Variants in ZNF414 observed in about 807,000 individuals in gnomAD.
The protein encoded by ZNF414 is zinc finger protein 414.
In ZNF414, 32 loss-of-function variants were observed where a neutral mutation model predicts 38.3. That is an observed-to-expected ratio of 0.83 (90% CI 0.63 to 1.12). The LOEUF is 1.12. Ranked by LOEUF, ZNF414 falls within the 50% of genes most tolerant of loss-of-function variation. The pLI is 0.00. For missense variants in ZNF414, 589 were observed against 557.4 expected (o/e 1.06, Z -0.57); for synonymous variants, 256 against 248.0 (o/e 1.03, Z -0.30).
rs140386372 is a variant in ZNF414 at position 8,513,132 on chromosome 19, G to A, written c.213C>T (p.Ala71=). 3.4e-4 allele frequency: 524 copies of A among 1,542,464 alleles called. 2 individuals carry two copies. The African/African-American group carries it at 6.1e-3, about 18-fold the overall frequency. The change falls in exon 2 of 8, where the codon GCC becomes GCT. Residue 71 remains alanine, a synonymous_variant. Coordinates refer to ENST00000393927, the MANE Select transcript of ZNF414 (RefSeq NM_001146175.2). ...AGGMQQGSSP[A]PDSCQPGPGP... is the part of the protein sequence containing the mutation. ...CGGGGCCAGGCTGGCAGCTGTCTGG[G>A]GCTGGGGAGGAGCCCTGCTGCATCC...
chr19:8,511,596 G>C, intron 5 of ZNF414, 21 bp downstream of exon 5: 1 of 1,523,228 alleles, frequency 6.6e-7, no homozygotes, highest in Non-Finnish European at 8.8e-7. Flanking sequence ...CCCTCCTGGA[G>C]GCCCCCGACC....
At chr19:8,513,739 G>A (rs1971951216) in intron 1 of ZNF414, among the ~76,000 whole-genome samples, 1 of 152,202 alleles carries the variant, frequency 6.6e-6, no homozygotes, top group Admixed American at 6.5e-5. Context: ...CATGGACTGG[G>A]AAGATGCTAG....
rs1971904354 is a variant in ZNF414 at position 8,510,893 on chromosome 19, C to T, written c.1057G>A (p.Ala353Thr). 2 of 1,154,962 alleles carry T rather than the reference C, an allele frequency of 1.7e-6. No individual in the cohort carries two copies. The highest frequency in any genetic ancestry group is 4.8e-5 in the Admixed American group (1 of 20,692). 71.5% of individuals were successfully genotyped at this position (1,154,962 alleles called of 1,614,324 possible). A position where few individuals can be genotyped will look rare whatever the true frequency, so the allele number is the denominator to read the frequency against. ...HLEDHRPGAP[A>T]APAAGPPRPD... Reference sequence around the variant, plus strand: ...CGCGGCGGCCCGGCCGCGGGGGCCGCGGGGGCGCCGGGGCGGTGGTCCTCC... The same window carrying T: ...CGCGGCGGCCCGGCCGCGGGGGCCGTGGGGGCGCCGGGGCGGTGGTCCTCC... Residue 353 changes from alanine (A) to threonine (T), a missense_variant, in exon 7 of 8, where the codon GCG (alanine) becomes ACG (threonine). Coordinates refer to ENST00000393927, the MANE Select transcript of ZNF414 (RefSeq NM_001146175.2).
Position 8,511,843 on chromosome 19 carries a change from C to A in ZNF414, c.648G>T (p.Glu216Asp). 7.1e-7 allele frequency: 1 copy of A among 1,401,828 alleles called. No individual in the cohort carries two copies. The highest frequency in any genetic ancestry group is 2.7e-5 in the East Asian group (1 of 36,506). 86.8% of individuals were successfully genotyped at this position (1,401,828 alleles called of 1,614,324 possible). Reference protein sequence around the residue: ...APPPPPALDREPPAPERPPEV... With the variant: ...APPPPPALDRDPPAPERPPEV... ...CCGGGGGGCGCTCCGGCGCGGGCGGCTCTCGGTCCAGGGCCGGGGGTGGCG... is the reference window on the plus strand; with the variant it reads ...CCGGGGGGCGCTCCGGCGCGGGCGGATCTCGGTCCAGGGCCGGGGGTGGCG... The change falls in exon 5 of 8, where the codon GAG becomes GAT. Residue 216 changes from glutamate (E) to aspartate (D), a missense_variant. Coordinates refer to ENST00000393927, the MANE Select transcript of ZNF414 (RefSeq NM_001146175.2).
In ZNF414 at chr19:8,510,515, A is replaced by G. The variant is rs2910442; in HGVS notation, c.*176T>C. 0.17 allele frequency: 107,355 copies of G among 624,612 alleles called. 10,167 individuals are homozygous for G. The highest frequency in any genetic ancestry group is 0.28 in the African/African-American group (14,519 of 51,766). The allele number at this position is 624,612 out of a possible 1,614,324, so 38.7% of individuals were successfully genotyped here. ...CAGGTGGTCCTCCCAAGATGTGATCAATCCATGACTGCTGGGCTCGAGCCC... is the reference window on the plus strand; with the variant it reads ...CAGGTGGTCCTCCCAAGATGTGATCGATCCATGACTGCTGGGCTCGAGCCC... On this transcript the variant is annotated 3_prime_UTR_variant, in exon 8 of 8. Coordinates refer to ENST00000393927, the MANE Select transcript of ZNF414 (RefSeq NM_001146175.2).
Position 8,511,850 on chromosome 19 carries a change from T to C in ZNF414, c.641A>G (p.Asp214Gly). 1 of 1,403,420 alleles carries C rather than the reference T, an allele frequency of 7.1e-7. No homozygotes were observed. Among genetic ancestry groups the C allele is most frequent in the Non-Finnish European group, 9.2e-7 (1 of 1,087,088 alleles). 86.9% of individuals were successfully genotyped at this position (1,403,420 alleles called of 1,614,324 possible). A position where few individuals can be genotyped will look rare whatever the true frequency, so the allele number is the denominator to read the frequency against. ...SPAPPPPPAL[D>G]REPPAPERPP... Reference sequence around the variant, plus strand: ...GCGCTCCGGCGCGGGCGGCTCTCGGTCCAGGGCCGGGGGTGGCGGCGGGGC... The same window carrying C: ...GCGCTCCGGCGCGGGCGGCTCTCGGCCCAGGGCCGGGGGTGGCGGCGGGGC... The change falls in exon 5 of 8, where the codon GAC becomes GGC. Residue 214 changes from aspartate (D) to glycine (G), a missense_variant. Physicochemically the swap from Asp to Gly is moderately conservative, Grantham distance 94 (BLOSUM62 -1). Coordinates refer to ENST00000393927, the MANE Select transcript of ZNF414 (RefSeq NM_001146175.2).
Position 8,511,975 on chromosome 19 carries a change from A to AGGAAT in ZNF414, c.531-16_531-15insATTCC. The AGGAAT allele has an allele frequency of 7.1e-7, 1 of 1,404,258 alleles. No individual in the cohort carries two copies. The highest frequency in any genetic ancestry group is 9.2e-7 in the Non-Finnish European group (1 of 1,087,114). The allele number at this position is 1,404,258 out of a possible 1,614,324, so 87.0% of individuals were successfully genotyped here. On this transcript the variant is annotated splice_polypyrimidine_tract_variant and intron_variant, in intron 4 of 7. Transcript: ENST00000393927. Reference sequence around the variant, plus strand: ...AGTTCTCACACCTGGAGGTGGGCAGAGGGCTGGGCTGGGCTGGGCCTCCAG... The same window carrying AGGAAT: ...AGTTCTCACACCTGGAGGTGGGCAGAGGAATGGGCTGGGCTGGGCTGGGCCTCCAG...
Position 8,512,878 on chromosome 19 carries a change from A to G in ZNF414, c.316+151T>C. The G allele has an allele frequency of 3.3e-6, 4 of 1,216,740 alleles. 1 individual carries two copies. The South Asian group carries it at 5.0e-5, about 15-fold the overall frequency. 75.4% of individuals were successfully genotyped at this position (1,216,740 alleles called of 1,614,324 possible). A position where few individuals can be genotyped will look rare whatever the true frequency, so the allele number is the denominator to read the frequency against. ...TGCAGGGGCTGGACTGGCCAGGCTC[A>G]CCATTGGAGCCACAGCCTGGCATCC... On this transcript the variant is annotated intron_variant, in intron 2 of 7. Coordinates refer to ENST00000393927, the MANE Select transcript of ZNF414 (RefSeq NM_001146175.2).
chr19:8,512,677 G>T lies in ZNF414; in HGVS notation c.351C>A (p.Cys117Ter). ...KQIPCSSPGC[C>*]LSFPSVRDLA... Reference sequence around the variant, plus strand: ...GGTCACGGACGCTGGGAAAACTGAGGCAGCAGCCAGGGCTGGAGCAAGGGA... The same window carrying T: ...GGTCACGGACGCTGGGAAAACTGAGTCAGCAGCCAGGGCTGGAGCAAGGGA... Residue 117 changes from cysteine to a stop codon, truncating the protein, a stop_gained, in exon 3 of 8, where the codon TGC (cysteine) becomes TGA (stop). Coordinates refer to ENST00000393927, the MANE Select transcript of ZNF414 (RefSeq NM_001146175.2). LOFTEE classifies it high-confidence loss of function. The T allele has an allele frequency of 6.3e-7, 1 of 1,576,134 alleles. No homozygotes were observed. Among genetic ancestry groups the T allele is most frequent in the Non-Finnish European group, 8.6e-7 (1 of 1,161,896 alleles).
chr19:8,514,028 C>G lies in ZNF414; in HGVS notation c.3+16G>C. On this transcript the variant is annotated intron_variant, in intron 1 of 7. Transcript: ENST00000393927. The stretch of plus-strand genomic sequence containing the variant: ...CCGCAGCTCCGCCGCGCCCGCGACC[C>G]CGGTGCCGCGCTCACCATCTTCGAC... 4.8e-6 allele frequency: 7 copies of G among 1,460,506 alleles called. No individual in the cohort carries two copies. The highest frequency in any genetic ancestry group is 6.3e-6 in the Non-Finnish European group (7 of 1,106,392). 90.5% of individuals were successfully genotyped at this position (1,460,506 alleles called of 1,614,324 possible).
rs1266914210 is a variant in ZNF414, at chr19:8,511,648, AGCCGGCGGCCCGGGTGCAGCG to A, written c.822_842del (p.Ala275_Ala281del). On this transcript the variant is annotated inframe_deletion, in exon 5 of 8. Coordinates refer to ENST00000393927, the MANE Select transcript of ZNF414 (RefSeq NM_001146175.2). ...TCTTTTTCCAGACGGCGGCGCTGGA[AGCCGGCGGCCCGGGTGCAGCG>A]GCCAGGAAGGGGCGCAGGCGCGGGG... 1 of 1,504,038 alleles carries A rather than the reference AGCCGGCGGCCCGGGTGCAGCG, an allele frequency of 6.6e-7. No homozygotes were observed. Among genetic ancestry groups the A allele is most frequent in the Non-Finnish European group, 8.8e-7 (1 of 1,130,802 alleles). The allele number at this position is 1,504,038 out of a possible 1,614,324, so 93.2% of individuals were successfully genotyped here.
intron 4 of ZNF414, 62 bp from the exon 5 acceptor site, chr19:8,512,022 G>A (rs1971924868): frequency 2.9e-6 from 4 of 1,403,310 alleles, no homozygotes; most frequent in Admixed American, 6.6e-5. Context: ...AGAGTGTCCT[G>A]TGCAATGCCA....
intron 6 of ZNF414, 54 bp from the exon 7 acceptor site, chr19:8,511,078 G>A: frequency 7.8e-7 from 1 of 1,284,606 alleles, no homozygotes; most frequent in Non-Finnish European, 9.8e-7. Flanking sequence ...CAGAAGACCC[G>A]TGCGCCAAGG....
chr19:8,511,184 G>C (rs1214183004), intron 6 of ZNF414, 160 bp from the exon 7 acceptor site: 1 of 980,836 alleles, frequency 1.0e-6, no homozygotes, highest in Non-Finnish European at 1.2e-6. Context: ...TCTGCCCCTA[G>C]AGTTGGGGGC....
At chr19:8,513,600 G>A (rs559773684) in intron 1 of ZNF414, among the ~76,000 whole-genome samples, 1 of 152,134 alleles carries the variant, frequency 6.6e-6, no homozygotes, top group Non-Finnish European at 1.5e-5. Context: ...CCCGGATTGA[G>A]CTCCTTATGC....
intron 2 of ZNF414, 137 bp from the exon 3 acceptor site, chr19:8,512,848 C>A: frequency 2.6e-6 from 3 of 1,173,992 alleles, no homozygotes; most frequent in Non-Finnish European, 3.5e-6. Flanking sequence ...ACTGGTCTGC[C>A]ACAGTGCAGG....
chr19:8,512,738 C>G (rs937949038), intron 2 of ZNF414, 27 bp from the exon 3 acceptor site: 5 of 1,473,570 alleles, frequency 3.4e-6, no homozygotes, highest in Non-Finnish European at 3.6e-6. Context: ...ACAGTGGTCA[C>G]TGGTCCCTTC....
In ZNF414 at chr19:8,513,183, T is replaced by C; in HGVS notation, c.162A>G (p.Pro54=). ...EPGPEQAATP[P]VWERGGAGGM... is the part of the protein sequence containing the mutation. The stretch of plus-strand genomic sequence containing the variant: ...CTCCAGCCCCTCCACGTTCCCACAC[T>C]GGCGGTGTGGCTGCCTGCTCAGGGC... Residue 54 remains proline (P), a synonymous_variant, in exon 2 of 8, where the codon CCA becomes CCG. Transcript: ENST00000393927. The C allele has an allele frequency of 6.4e-7, 1 of 1,561,320 alleles. No homozygotes were observed. The highest frequency in any genetic ancestry group is 8.6e-7 in the Non-Finnish European group (1 of 1,159,172).
At chr19:8,512,955 G>T in intron 2 of ZNF414, 74 bp downstream of exon 2, 1 of 1,414,852 alleles carries the variant, frequency 7.1e-7, no homozygotes, top group Non-Finnish European at 9.2e-7. Context: ...AGGCCCTGAG[G>T]TTAGAGATTC....
Sources: gnomAD v4.1 joint callset for allele counts (sites outside exome capture counted in the v4.1 genomes callset) on GRCh38, gnomAD v4.1.1 for gene constraint, MANE v1.5 for transcripts, NCBI Gene and HGNC (gene_info 2026-07-23, HGNC 2026-07-21) for gene names.